The following KIF13B variants were observed in gnomAD, a reference collection of about 807,000 sequenced individuals.
KIF13B encodes kinesin family member 13B.
In KIF13B, 127 loss-of-function variants were observed where a neutral mutation model predicts 222.0. That is an observed-to-expected ratio of 0.57 (90% CI 0.50 to 0.66). The LOEUF (loss-of-function observed/expected upper bound fraction) is 0.66. KIF13B is among the 30% of genes least tolerant of loss of function. KIF13B has a pLI of 0.00. For missense variants in KIF13B, 2,173 were observed against 2,379.0 expected (o/e 0.91, Z 1.80); for synonymous variants, 976 against 919.0 (o/e 1.06, Z -1.12).
At chr8:29,187,926 C>G (rs1318910695) in intron 5 of KIF13B, among the ~76,000 whole-genome samples, 2 of 152,094 alleles carry the variant, frequency 1.3e-5, no homozygotes, top group African/African-American at 4.8e-5. Context: ...GGTCTCTCTG[C>G]TGGCCAGCTG....
chr8:29,194,163 T>A (rs1811453948), intron 3 of KIF13B, among the ~76,000 whole-genome samples: 1 of 151,954 alleles, frequency 6.6e-6, no homozygotes, highest in African/African-American at 2.4e-5. Context: ...TTTTCATAGT[T>A]TTTTAAAAAC....
intron 37 of KIF13B, among the ~76,000 whole-genome samples, chr8:29,088,773 T>C (rs1241571016): frequency 6.6e-6 from 1 of 152,206 alleles, no homozygotes; most frequent in Non-Finnish European, 1.5e-5. Flanking sequence ...GTACAACAAG[T>C]GAAAGCATAA....
chr8:29,175,404 CAG>C (rs894162206), intron 10 of KIF13B, among the ~76,000 whole-genome samples: 2 of 152,002 alleles, frequency 1.3e-5, no homozygotes, highest in African/African-American at 4.8e-5. Flanking sequence ...CCTTACGAGC[CAG>C]AGAGGGCAAG....
intron 2 of KIF13B, among the ~76,000 whole-genome samples, chr8:29,208,912 C>T (rs1033759144): frequency 6.6e-6 from 1 of 152,174 alleles, no homozygotes; most frequent in Non-Finnish European, 1.5e-5. Context: ...TAAAGTTTCA[C>T]GTGCCCCTGC....
intron 3 of KIF13B, among the ~76,000 whole-genome samples, chr8:29,194,066 C>G (rs1390347331): frequency 4.6e-5 from 7 of 151,736 alleles, no homozygotes; most frequent in South Asian, 2.1e-4. Context: ...CCTCATGATC[C>G]GCTGGCCTCC....
chr8:29,262,445 G>A (rs1816711646), intron 1 of KIF13B, among the ~76,000 whole-genome samples: 1 of 152,172 alleles, frequency 6.6e-6, no homozygotes, highest in African/African-American at 2.4e-5. Flanking sequence ...GGAACTCGCC[G>A]CGGGGCACCC....
Position 29,071,085 on chromosome 8 carries a change from C to T in KIF13B, c.5219-319G>A, listed in dbSNP as rs1807248959. Among the ~76,000 whole-genome samples, 1 of 152,196 alleles carries T rather than the reference C, an allele frequency of 6.6e-6. No individual in the cohort carries two copies. The highest frequency in any genetic ancestry group is 2.1e-4 in the South Asian group (1 of 4,832). ...TGTGGAAGCATAGGTGCAGGCCAGC[C>T]ACTAAGGCACAACCGGCCCGCCTCG... On this transcript the variant is annotated intron_variant, in intron 39 of 39. Transcript: ENST00000524189. The surrounding 1 kb of genome is among the most constrained non-coding windows in gnomAD (Gnocchi z 4.9).
intron 2 of KIF13B, among the ~76,000 whole-genome samples, chr8:29,237,949 C>T (rs372437716): frequency 5.3e-5 from 8 of 152,204 alleles, no homozygotes; most frequent in Non-Finnish European, 8.8e-5. Context: ...CCACTGTACT[C>T]TAATAAAATT....
At position 29,109,866 on chromosome 8, in the gene KIF13B, T is replaced by C. The variant is rs1347757771; in HGVS notation, c.4083+52A>G. 3.2e-6 allele frequency: 5 copies of C among 1,578,324 alleles called. No homozygotes were observed. The Admixed American group carries it at 6.9e-5, about 22-fold the overall frequency. On this transcript the variant is annotated intron_variant, in intron 33 of 39. Transcript: ENST00000524189. Reference sequence around the variant, plus strand: ...GTGAATTACAGAGTCAAACACAGACTCAGCCTGCATCAGGGCCTCTGCTGC... The same window carrying C: ...GTGAATTACAGAGTCAAACACAGACCCAGCCTGCATCAGGGCCTCTGCTGC...
chr8:29,128,915 TA>T (rs1810229380), intron 24 of KIF13B, among the ~76,000 whole-genome samples: 1 of 152,200 alleles, frequency 6.6e-6, no homozygotes, highest in Non-Finnish European at 1.5e-5. Flanking sequence ...CAAATGAGCC[TA>T]GCATTCAAGG....
chr8:29,241,929 A>C (rs185830055), intron 2 of KIF13B, among the ~76,000 whole-genome samples: 1 of 152,288 alleles, frequency 6.6e-6, no homozygotes, highest in Admixed American at 6.5e-5. Flanking sequence ...TCACTAGCTT[A>C]AACTTTCCAC....
chr8:29,187,246 G>A (rs961597740), intron 5 of KIF13B, among the ~76,000 whole-genome samples: 4 of 152,088 alleles, frequency 2.6e-5, no homozygotes, highest in African/African-American at 4.8e-5. Context: ...TTATTTTCTC[G>A]GCTGAATGCG....
At chr8:29,105,266 C>T (rs1054837972) in intron 35 of KIF13B, among the ~76,000 whole-genome samples, 10 of 152,104 alleles carry the variant, frequency 6.6e-5, no homozygotes, top group South Asian at 4.1e-4. Context: ...CCACCGCGCC[C>T]GGCCTGTACA....
At chr8:29,198,942 G>T (rs1198267352) in intron 2 of KIF13B, among the ~76,000 whole-genome samples, 1 of 152,068 alleles carries the variant, frequency 6.6e-6, no homozygotes, top group African/African-American at 2.4e-5. Context: ...AGGGGTGAAG[G>T]ATAAAAAGAT....
At chr8:29,231,870 T>C (rs1255654689) in intron 2 of KIF13B, among the ~76,000 whole-genome samples, 2 of 152,326 alleles carry the variant, frequency 1.3e-5, no homozygotes, top group Non-Finnish European at 2.9e-5. Context: ...CAAATTCCAC[T>C]TCCAAATTTT....
At chr8:29,163,891 TCACA>T (rs1811884572) in intron 12 of KIF13B, among the ~76,000 whole-genome samples, 1 of 152,218 alleles carries the variant, frequency 6.6e-6, no homozygotes, top group Non-Finnish European at 1.5e-5. Flanking sequence ...TCAGAATGGC[TCACA>T]CAAAGTAGCT....
chr8:29,165,324 T>A (rs1443296461), intron 12 of KIF13B, among the ~76,000 whole-genome samples: 1 of 152,154 alleles, frequency 6.6e-6, no homozygotes, highest in African/African-American at 2.4e-5. Context: ...GATGGAGTAA[T>A]TTTGTAATTT....
Position 29,160,810 on chromosome 8 carries a change from C to T in KIF13B, c.1327G>A (p.Val443Ile), listed in dbSNP as rs1312399225. The T allele has an allele frequency of 3.1e-6, 5 of 1,613,534 alleles. No homozygotes were observed. Among genetic ancestry groups the T allele is most frequent in the South Asian group, 1.1e-5 (1 of 91,068 alleles). Residue 443 changes from valine to isoleucine, a missense_variant, in exon 13 of 40, where the codon GTT (valine) becomes ATT (isoleucine). Transcript: ENST00000524189. ...ACAAGGAAGCATTTATCATCCCCAA[C>T]TTTGATTCCCGAAGACTGAAGAGAT... is the stretch of plus-strand genomic sequence containing the variant. ...GISLQSSGIK[V>I]GDDKCFLVNL... is the part of the protein sequence containing the mutation.
At chr8:29,157,704 C>CAATA (rs958666702) in intron 13 of KIF13B, among the ~76,000 whole-genome samples, 8 of 150,834 alleles carry the variant, frequency 5.3e-5, no homozygotes, top group South Asian at 2.1e-4. Context: ...GACTCCGTCT[C>CAATA]AATAAATAAA....
Sources: gnomAD v4.1 joint callset for allele counts (sites outside exome capture counted in the v4.1 genomes callset) on GRCh38, gnomAD v4.1.1 for gene constraint, Gnocchi (gnomAD v3.1) non-coding constraint, MANE v1.5 for transcripts, NCBI Gene and HGNC (gene_info 2026-07-23, HGNC 2026-07-21) for gene names.